The following RMC1 variants were observed in gnomAD, a reference collection of about 807,000 sequenced individuals.
RMC1 encodes the protein regulator of MON1-CCZ1, also known as regulator of MON1-CCZ1 complex.
A neutral mutation model predicts 95.5 loss-of-function variants in RMC1; 44 were observed. That is an observed-to-expected ratio of 0.46 (90% CI 0.36 to 0.59). The LOEUF is 0.59. Among genes scored for constraint, RMC1 ranks in the 20% least tolerant of loss-of-function variants. The probability of loss-of-function intolerance (pLI) is 0.00; values close to 1 mark genes in which losing one functional copy is unlikely to be tolerated. For missense variants in RMC1, 705 were observed against 819.6 expected, an observed-to-expected ratio of 0.86 and a Z score of 1.71; for synonymous variants, 320 against 303.6, an observed-to-expected ratio of 1.05 and a Z score of -0.56.
intron 5 of RMC1, among the ~76,000 whole-genome samples, chr18:23,513,623 G>A (rs892299901): frequency 1.3e-5 from 2 of 152,218 alleles, no homozygotes; most frequent in African/African-American, 4.8e-5. Flanking sequence ...CCGCTATACT[G>A]TTTTCCATAG....
chr18:23,524,310 C>A, intron 11 of RMC1, 119 bp from the exon 12 acceptor site: 1 of 1,487,142 alleles, frequency 6.7e-7, no homozygotes, highest in Non-Finnish European at 9.4e-7. Flanking sequence ...CCTGACTGTC[C>A]AGGGGCCTCG....
chr18:23,526,019 T>C (rs2058289528), intron 12 of RMC1, among the ~76,000 whole-genome samples: 1 of 152,224 alleles, frequency 6.6e-6, no homozygotes, highest in African/African-American at 2.4e-5. Context: ...GGTGTTTTCC[T>C]GTACAGCTGC....
In RMC1 at chr18:23,520,320, C is replaced by T. The variant is rs781239222; in HGVS notation, c.961+7C>T. 8.1e-6 allele frequency: 13 copies of T among 1,605,550 alleles called. No homozygotes were observed. Among genetic ancestry groups the T allele is most frequent in the African/African-American group, 4.0e-5 (3 of 74,738 alleles). Reference sequence around the variant, plus strand: ...TATCAGATCCCCATCACAGGTAACACGGGTTCTGTAGAGGAGTCTGTGCTG... The same window carrying T: ...TATCAGATCCCCATCACAGGTAACATGGGTTCTGTAGAGGAGTCTGTGCTG... On this transcript the variant is annotated splice_region_variant and intron_variant, in intron 10 of 19. Coordinates refer to ENST00000269221, the MANE Select transcript of RMC1 (RefSeq NM_013326.5).
At chr18:23,504,045 G>C (rs1042450466) in intron 1 of RMC1, among the ~76,000 whole-genome samples, 4 of 152,358 alleles carry the variant, frequency 2.6e-5, no homozygotes, top group African/African-American at 9.6e-5. Flanking sequence ...CAAGGGTTTA[G>C]ACGTCGAGAT....
intron 10 of RMC1, among the ~76,000 whole-genome samples, chr18:23,520,814 C>T (rs1311466389): frequency 6.6e-6 from 1 of 152,116 alleles, no homozygotes; most frequent in African/African-American, 2.4e-5. Context: ...AGATAAGGTT[C>T]AAGTGATTCT....
At chr18:23,515,517 A>G (rs1006656898) in intron 5 of RMC1, among the ~76,000 whole-genome samples, 2 of 152,062 alleles carry the variant, frequency 1.3e-5, no homozygotes, top group Admixed American at 1.3e-4. Flanking sequence ...ATCTTCTGAC[A>G]GTTTGCTGTT....
intron 9 of RMC1, among the ~76,000 whole-genome samples, chr18:23,519,918 G>A (rs2058100317): frequency 6.6e-6 from 1 of 152,194 alleles, no homozygotes; most frequent in Non-Finnish European, 1.5e-5. Flanking sequence ...GACACGTGAG[G>A]ATGTTTCCAG....
chr18:23,508,963 TCTC>T (rs1301999119), intron 4 of RMC1, among the ~76,000 whole-genome samples: 2 of 152,336 alleles, frequency 1.3e-5, no homozygotes, highest in African/African-American at 4.8e-5. Flanking sequence ...AACACAGACT[TCTC>T]CTGTTCTGTT....
At chr18:23,513,765 CTT>C (rs1434798791) in intron 5 of RMC1, among the ~76,000 whole-genome samples, 1 of 152,100 alleles carries the variant, frequency 6.6e-6, no homozygotes, top group Non-Finnish European at 1.5e-5. Flanking sequence ...GATTTGCGCT[CTT>C]TGTTGATTAG....
chr18:23,506,809 A>G (rs539674138), intron 2 of RMC1, among the ~76,000 whole-genome samples, 161 bp from the exon 3 acceptor site: 7 of 152,308 alleles, frequency 4.6e-5, no homozygotes, highest in African/African-American at 1.4e-4. Flanking sequence ...TGGATTTGGT[A>G]GTTTGAAAAG....
In RMC1 at chr18:23,515,999, A is replaced by G; in HGVS notation, c.549+3A>G. ...TCCTGCAGCCTTTTCACTTTAGGGTAAGAGGAAGCCTCCCCTGAAAAAAAC... is the reference window on the plus strand; with the variant it reads ...TCCTGCAGCCTTTTCACTTTAGGGTGAGAGGAAGCCTCCCCTGAAAAAAAC... On this transcript the variant is annotated splice_donor_region_variant and intron_variant, in intron 6 of 19. Coordinates refer to ENST00000269221, the MANE Select transcript of RMC1 (RefSeq NM_013326.5). The G allele has an allele frequency of 6.2e-7, 1 of 1,614,038 alleles. No individual in the cohort carries two copies. The highest frequency in any genetic ancestry group is 1.1e-5 in the South Asian group (1 of 91,056).
At chr18:23,506,844 C>G (rs2057728987) in intron 2 of RMC1, 126 bp from the exon 3 acceptor site, 1 of 693,980 alleles carries the variant, frequency 1.4e-6, no homozygotes, top group African/African-American at 1.8e-5. Context: ...GCTTCCGAAA[C>G]ATAATTTTAA....
intron 10 of RMC1, among the ~76,000 whole-genome samples, 178 bp from the exon 11 acceptor site, chr18:23,523,952 T>G (rs2058218996): frequency 6.6e-6 from 1 of 152,216 alleles, no homozygotes; most frequent in Admixed American, 6.5e-5. Context: ...TGTTAGCTCC[T>G]TCCCCCTTCC....
rs1433935916 is a variant in RMC1, at chr18:23,519,179, A to G, written c.849+5A>G. 6.2e-7 allele frequency: 1 copy of G among 1,611,322 alleles called. No homozygotes were observed. Among genetic ancestry groups the G allele is most frequent in the Admixed American group, 1.7e-5 (1 of 59,990 alleles). ...GTGCATCATCAGGATACAGAGGTAC[A>G]AGCTGTCTGCGTTTCTACCAAAGTT... On this transcript the variant is annotated splice_donor_5th_base_variant and intron_variant, in intron 9 of 19. Coordinates refer to ENST00000269221, the MANE Select transcript of RMC1 (RefSeq NM_013326.5).
chr18:23,524,021 A>G, intron 10 of RMC1, 109 bp from the exon 11 acceptor site: 1 of 1,227,988 alleles, frequency 8.1e-7, no homozygotes, highest in Admixed American at 1.7e-5. Context: ...CTACAATTGA[A>G]TAAACATTTC....
chr18:23,528,959 A>G (rs2058394055), intron 14 of RMC1: 4 of 565,122 alleles, frequency 7.1e-6, no homozygotes, highest in Non-Finnish European at 1.2e-5. Context: ...GGCTCACCGC[A>G]ACCTCTGCCT....
chr18:23,523,948 C>G (rs546961951), intron 10 of RMC1, among the ~76,000 whole-genome samples, 182 bp from the exon 11 acceptor site: 2 of 152,300 alleles, frequency 1.3e-5, no homozygotes, highest in South Asian at 4.2e-4. Flanking sequence ...GGATTGTTAG[C>G]TCCTTCCCCC....
At chr18:23,518,189 A>G (rs2058058439) in intron 7 of RMC1, among the ~76,000 whole-genome samples, 1 of 152,194 alleles carries the variant, frequency 6.6e-6, no homozygotes, top group African/African-American at 2.4e-5. Flanking sequence ...CATTTATTAG[A>G]TGGCACTTAA....
intron 2 of RMC1, 95 bp from the exon 3 acceptor site, chr18:23,506,875 C>A: frequency 1.2e-6 from 1 of 834,806 alleles, no homozygotes; most frequent in Non-Finnish European, 1.9e-6. Context: ...GAATTTGCTG[C>A]CTCCTGAATA....
Sources: allele counts gnomAD v4.1 joint callset (sites outside exome capture counted in the v4.1 genomes callset), GRCh38; gene constraint gnomAD v4.1.1; transcripts MANE v1.5; gene names NCBI Gene and HGNC (gene_info 2026-07-23, HGNC 2026-07-21).